The following AK3 variants were observed in gnomAD, a reference collection of about 807,000 sequenced individuals.
AK3 encodes the protein adenylate kinase 3, also known as GTP:AMP phosphotransferase AK3, mitochondrial.
AK3 carries 27 observed loss-of-function variants against 23.7 expected under a neutral mutation model. The observed-to-expected ratio is 1.14, with a 90% CI of 0.84 to 1.57. AK3 has a LOEUF of 1.57. Among genes scored for constraint, AK3 ranks in the 40% most tolerant of loss-of-function variants. The pLI is 0.00. For synonymous variants in AK3, 159 were observed against 116.0 expected, an observed-to-expected ratio of 1.37 and a Z score of -2.38; for missense variants, 406 against 285.6, an observed-to-expected ratio of 1.42 and a Z score of -3.04.
intron 1 of AK3, among the ~76,000 whole-genome samples, chr9:4,729,148 T>C (rs2130900039): frequency 6.6e-6 from 1 of 151,528 alleles, no homozygotes; most frequent in African/African-American, 2.4e-5. Context: ...GTAGCTGGGA[T>C]TACAGGCATG....
chr9:4,723,136 T>C (rs1841944331), intron 1 of AK3, among the ~76,000 whole-genome samples: 1 of 152,172 alleles, frequency 6.6e-6, no homozygotes, highest in Admixed American at 6.5e-5. Flanking sequence ...TATGGAAAAA[T>C]ATATAAATGT....
At chr9:4,713,904 GC>G (rs1841630170) in intron 4 of AK3, among the ~76,000 whole-genome samples, 1 of 902 alleles carries the variant, frequency 1.1e-3, no homozygotes. Flanking sequence ...GTACACCTAC[GC>G]CTACACATAT....
At chr9:4,714,365 T>G (rs1841663837) in intron 4 of AK3, among the ~76,000 whole-genome samples, 1 of 152,210 alleles carries the variant, frequency 6.6e-6, no homozygotes, top group African/African-American at 2.4e-5. Context: ...ACAAAAGCAT[T>G]CTTCCCTTGA....
In AK3 at chr9:4,710,254, CT is replaced by C. The variant is rs1486746124; in HGVS notation, c.*2721del. ...ACGGAGTCTCCCTCTGTCGCCCAGG[CT>C]GGAGTGCAGTGGCACGATCTCAGCT... On this transcript the variant is annotated 3_prime_UTR_variant, in exon 5 of 5. Transcript: ENST00000381809. 3 of 152,322 alleles carry C rather than the reference CT, an allele frequency of 2.0e-5. No individual in the cohort carries two copies. The highest frequency in any genetic ancestry group is 4.4e-5 in the Non-Finnish European group (3 of 68,180). 9.4% of individuals were successfully genotyped at this position (152,322 alleles called of 1,614,324 possible). A position where few individuals can be genotyped will look rare whatever the true frequency, so the allele number is the denominator to read the frequency against.
rs1842417831 is a variant in AK3 at position 4,741,006 on chromosome 9, T to C, written c.82A>G (p.Thr28Ala). Residue 28 changes from threonine to alanine, a missense_variant, in exon 1 of 5, where the codon ACT becomes GCT. Transcript: ENST00000381809. ...AGGTGCTTCAGCTCGAAGTGTGTAG[T>C]GATGCGCGACGACACGGTGCCCTTG... ...SGKGTVSSRITTHFELKHLSS... is the reference protein window; with the variant it reads ...SGKGTVSSRIATHFELKHLSS... 6.3e-7 allele frequency: 1 copy of C among 1,595,430 alleles called. No homozygotes were observed. The highest frequency in any genetic ancestry group is 8.5e-7 in the Non-Finnish European group (1 of 1,172,818).
chr9:4,719,013 C>T, intron 3 of AK3, 122 bp downstream of exon 3: 4 of 1,142,482 alleles, frequency 3.5e-6, no homozygotes, highest in East Asian at 2.4e-5. Flanking sequence ...TACCAAGTAA[C>T]CTGAGAATAT....
In AK3 at chr9:4,710,522, C is replaced by G. The variant is rs922306689; in HGVS notation, c.*2454G>C. 7 of 152,188 alleles carry G rather than the reference C, an allele frequency of 4.6e-5. No homozygotes were observed. The highest frequency in any genetic ancestry group is 1.7e-4 in the African/African-American group (7 of 41,424). The allele number at this position is 152,188 out of a possible 1,614,324, so 9.4% of individuals were successfully genotyped here. A position where few individuals can be genotyped will look rare whatever the true frequency, so the allele number is the denominator to read the frequency against. ...GCGTGAGCCACCGCGCCCGGCCTCTCATTGGCTTTTAACAAAAGTATAGTA... is the reference window on the plus strand; with the variant it reads ...GCGTGAGCCACCGCGCCCGGCCTCTGATTGGCTTTTAACAAAAGTATAGTA... On this transcript the variant is annotated 3_prime_UTR_variant, in exon 5 of 5. Coordinates refer to ENST00000381809, the MANE Select transcript of AK3 (RefSeq NM_016282.4).
In AK3 at chr9:4,741,149, C is replaced by G. The variant is rs1842424078; in HGVS notation, c.-62G>C. The G allele has an allele frequency of 1.5e-6, 2 of 1,342,998 alleles. No individual in the cohort carries two copies. The highest frequency in any genetic ancestry group is 1.9e-6 in the Non-Finnish European group (2 of 1,045,322). The allele number at this position is 1,342,998 out of a possible 1,614,324, so 83.2% of individuals were successfully genotyped here. A position where few individuals can be genotyped will look rare whatever the true frequency, so the allele number is the denominator to read the frequency against. On this transcript the variant is annotated 5_prime_UTR_variant, in exon 1 of 5. Transcript: ENST00000381809. ...GGCTTTGGCCTGGCCTGCGCGCTCA[C>G]CCGCTCGGCAGCCTGCGCCGGCCGG... is the stretch of plus-strand genomic sequence containing the variant.
chr9:4,711,882 C>G lies in AK3; in HGVS notation c.*1094G>C, dbSNP rs1227953622. The stretch of plus-strand genomic sequence containing the variant: ...ACAAAGAACTCCTTCAGGAAACTCA[C>G]TTTCCTGGTCCTTGTTAACCTATCA... On this transcript the variant is annotated 3_prime_UTR_variant, in exon 5 of 5. Transcript: ENST00000381809. The G allele has an allele frequency of 1.3e-5, 2 of 152,170 alleles. No homozygotes were observed. Among genetic ancestry groups the G allele is most frequent in the African/African-American group, 4.8e-5 (2 of 41,452 alleles). 9.4% of individuals were successfully genotyped at this position (152,170 alleles called of 1,614,324 possible). A position where few individuals can be genotyped will look rare whatever the true frequency, so the allele number is the denominator to read the frequency against.
Position 4,718,803 on chromosome 9 carries a change from A to G in AK3, c.445-266T>C, listed in dbSNP as rs1329401233. On this transcript the variant is annotated intron_variant, in intron 3 of 4. Transcript: ENST00000381809. The stretch of plus-strand genomic sequence containing the variant: ...CCTCTAAGTAAGTTCATATATATTC[A>G]AAAAGATTCAGCTATAAACTTGGAA... Among the ~76,000 whole-genome samples, 5 of 152,358 alleles carry G rather than the reference A, an allele frequency of 3.3e-5. No homozygotes were observed. The East Asian group carries it at 9.6e-4, about 29-fold the overall frequency.
intron 1 of AK3, 73 bp downstream of exon 1, chr9:4,740,864 A>C (rs1466228157): frequency 8.7e-6 from 12 of 1,377,044 alleles, no homozygotes; most frequent in Non-Finnish European, 1.1e-5. Flanking sequence ...CCGCGTGCCC[A>C]GCTTCGGCCC....
In AK3 at chr9:4,741,095, G is replaced by A. The variant is rs912692851; in HGVS notation, c.-8C>T. 6 of 1,527,046 alleles carry A rather than the reference G, an allele frequency of 3.9e-6. No homozygotes were observed. Among genetic ancestry groups the A allele is most frequent in the Non-Finnish European group, 5.3e-6 (6 of 1,137,880 alleles). 94.6% of individuals were successfully genotyped at this position (1,527,046 alleles called of 1,614,324 possible). ...CCGCGCGGACGCCCCCATGGCCGCA[G>A]ACTGAGGCCCGCACCGCGCGGGTAC... On this transcript the variant is annotated 5_prime_UTR_variant, in exon 1 of 5. Transcript: ENST00000381809.
intron 4 of AK3, among the ~76,000 whole-genome samples, chr9:4,716,133 T>C (rs1016088084): frequency 1.3e-5 from 2 of 152,190 alleles, no homozygotes; most frequent in Admixed American, 6.5e-5. Context: ...CATCCATCTA[T>C]CTTTGACTTT....
Position 4,710,140 on chromosome 9 carries a change from A to G in AK3, c.*2836T>C, listed in dbSNP as rs1353820820. ...TGCTAGTTTGCATTTCCCACAGTAC[A>G]CGCTGCTTACAAAAGGTATAGCAAA... On this transcript the variant is annotated 3_prime_UTR_variant, in exon 5 of 5. Coordinates refer to ENST00000381809, the MANE Select transcript of AK3 (RefSeq NM_016282.4). The G allele has an allele frequency of 6.6e-6, 1 of 152,156 alleles. No individual in the cohort carries two copies. Among genetic ancestry groups the G allele is most frequent in the Non-Finnish European group, 1.5e-5 (1 of 68,024 alleles). 9.4% of individuals were successfully genotyped at this position (152,156 alleles called of 1,614,324 possible).
chr9:4,715,784 C>T (rs1009713650), intron 4 of AK3, among the ~76,000 whole-genome samples: 2 of 152,146 alleles, frequency 1.3e-5, no homozygotes, highest in Admixed American at 6.5e-5. Flanking sequence ...CATAGCCTTG[C>T]AGTGGTGGTG....
intron 1 of AK3, among the ~76,000 whole-genome samples, chr9:4,731,574 T>TAA (rs33935556): frequency 0.018 from 2,682 of 146,694 alleles, 66 homozygotes; most frequent in African/African-American, 0.053. Context: ...GAAGCTTACT[T>TAA]AAAAAAAAAA....
intron 1 of AK3, among the ~76,000 whole-genome samples, chr9:4,732,008 G>A (rs985058548): frequency 6.6e-6 from 1 of 152,112 alleles, no homozygotes; most frequent in Non-Finnish European, 1.5e-5. Flanking sequence ...GGACTGCAGT[G>A]GTATGATCAT....
In AK3 at chr9:4,720,562, T is replaced by C. The variant is rs549726878; in HGVS notation, c.272-1255A>G. 9.9e-5 allele frequency among the ~76,000 whole-genome samples: 15 copies of C among 151,822 alleles called. No homozygotes were observed. The East Asian group carries it at 2.7e-3, about 27-fold the overall frequency. ...AAAATTAGCAGGGCGTGGTGGTGCA[T>C]GCCTATGGTCCCAGCTACTCAGGAG... On this transcript the variant is annotated intron_variant, in intron 2 of 4. Transcript: ENST00000381809.
At chr9:4,732,702 T>C (rs1842182715) in intron 1 of AK3, among the ~76,000 whole-genome samples, 2 of 152,180 alleles carry the variant, frequency 1.3e-5, no homozygotes, top group African/African-American at 4.8e-5. Flanking sequence ...AATGTTTATA[T>C]TACATAAAAA....
Sources: allele counts gnomAD v4.1 joint callset (sites outside exome capture counted in the v4.1 genomes callset), GRCh38; gene constraint gnomAD v4.1.1; transcripts MANE v1.5; gene names NCBI Gene and HGNC (gene_info 2026-07-23, HGNC 2026-07-21).